The following KCNMA1 variants were observed in gnomAD, a reference collection of about 807,000 sequenced individuals.
The protein encoded by KCNMA1 is Calcium-activated potassium channel subunit alpha-1.
A neutral mutation model predicts 140.0 loss-of-function variants in KCNMA1; 29 were observed. That is an observed-to-expected ratio of 0.21 (90% CI 0.15 to 0.28). The LOEUF (loss-of-function observed/expected upper bound fraction) is 0.28. Ranked by LOEUF, KCNMA1 falls within the 10% of genes least tolerant of loss-of-function variation. The pLI is 1.00. For synonymous variants in KCNMA1, 612 were observed against 611.9 expected (o/e 1.00, Z 0.00); for missense variants, 880 against 1,602.2 (o/e 0.55, Z 7.70).
chr10:77,014,676 G>A (rs1223164737), intron 17 of KCNMA1, among the ~76,000 whole-genome samples: 1 of 152,048 alleles, frequency 6.6e-6, no homozygotes, highest in East Asian at 1.9e-4. Flanking sequence ...AACATGCGAT[G>A]TTTGCCTGGC....
intron 1 of KCNMA1, among the ~76,000 whole-genome samples, chr10:77,438,337 C>T (rs972330755): frequency 4.6e-5 from 7 of 152,224 alleles, no homozygotes; most frequent in African/African-American, 1.7e-4. Flanking sequence ...GAGGCCAAGG[C>T]GGGCAGATCA....
intron 2 of KCNMA1, among the ~76,000 whole-genome samples, chr10:77,364,337 G>A (rs2094200913): frequency 6.6e-6 from 1 of 152,026 alleles, no homozygotes; most frequent in African/African-American, 2.4e-5. Context: ...TGTAGTCTCA[G>A]CTACTTGGGA....
intron 25 of KCNMA1, among the ~76,000 whole-genome samples, chr10:76,906,197 G>C (rs543928052): frequency 6.9e-6 from 1 of 145,924 alleles, no homozygotes; most frequent in Admixed American, 6.6e-5. Flanking sequence ...TGGGGCTGGG[G>C]TTGGGAGAAA....
chr10:77,163,854 ATG>A (rs1451354051), intron 5 of KCNMA1, among the ~76,000 whole-genome samples: 1 of 152,130 alleles, frequency 6.6e-6, no homozygotes, highest in African/African-American at 2.4e-5. Context: ...GACCTGTGAC[ATG>A]TGTCTTCTCC....
chr10:77,421,984 G>A lies in KCNMA1; in HGVS notation c.379-17961C>T, dbSNP rs117779497. Among the ~76,000 whole-genome samples the A allele has an allele frequency of 1.6e-4, 25 of 152,338 alleles. No homozygotes were observed. In the East Asian group the frequency reaches 4.4e-3, roughly 27 times the overall value. ...ACACTTCTCTTTGCAGTGAAATCTG[G>A]AAATGCCATCATTCCTCTTCTAACA... On this transcript the variant is annotated intron_variant, in intron 1 of 27. Transcript: ENST00000286628.
intron 2 of KCNMA1, among the ~76,000 whole-genome samples, chr10:77,313,739 C>T (rs535398677): frequency 3.3e-5 from 5 of 152,194 alleles, no homozygotes; most frequent in South Asian, 2.1e-4. Flanking sequence ...AAGTAATGAA[C>T]GGGATGGATG....
chr10:77,225,045 C>T (rs1308943697), intron 3 of KCNMA1, among the ~76,000 whole-genome samples: 4 of 152,172 alleles, frequency 2.6e-5, no homozygotes, highest in Admixed American at 1.3e-4. Flanking sequence ...AGAAAAGGCT[C>T]AAAATGTTTT....
intron 2 of KCNMA1, among the ~76,000 whole-genome samples, chr10:77,387,085 G>A (rs2095628997): frequency 6.6e-6 from 1 of 152,160 alleles, no homozygotes; most frequent in Admixed American, 6.5e-5. Context: ...ATCAGCGTGT[G>A]CTTCATGCAA....
At chr10:77,165,374 T>C (rs184551428) in intron 5 of KCNMA1, among the ~76,000 whole-genome samples, 1 of 152,376 alleles carries the variant, frequency 6.6e-6, no homozygotes, top group East Asian at 1.9e-4. Context: ...ACACATTTTC[T>C]TTCTTTTTAG....
chr10:77,404,424 G>A (rs940429310), intron 1 of KCNMA1, among the ~76,000 whole-genome samples: 3 of 151,906 alleles, frequency 2.0e-5, no homozygotes, highest in Admixed American at 6.6e-5. Flanking sequence ...AATTACAGGC[G>A]CGCGGCCACC....
chr10:77,072,608 A>G (rs559332818), intron 14 of KCNMA1, among the ~76,000 whole-genome samples: 1 of 152,124 alleles, frequency 6.6e-6, no homozygotes, highest in African/African-American at 2.4e-5. Context: ...CAACCGCGGC[A>G]TGTCAGTCCT....
intron 14 of KCNMA1, among the ~76,000 whole-genome samples, chr10:77,070,774 C>A (rs934017151): frequency 7.2e-5 from 11 of 152,068 alleles, no homozygotes; most frequent in African/African-American, 2.7e-4. Context: ...TTATGGTGTT[C>A]ACCATGACCT....
intron 2 of KCNMA1, among the ~76,000 whole-genome samples, chr10:77,347,439 G>A (rs767771337): frequency 7.2e-5 from 11 of 152,218 alleles, no homozygotes; most frequent in Non-Finnish European, 1.0e-4. Context: ...CAAGTGGAAG[G>A]TGCCTCCTAC....
intron 24 of KCNMA1, chr10:76,910,693 A>T (rs2049809528): frequency 6.2e-6 from 1 of 161,012 alleles, no homozygotes; most frequent in Non-Finnish European, 1.4e-5. Flanking sequence ...AGGAAACCCC[A>T]GGTGGGATGG....
At chr10:77,178,802 G>A (rs1005968220) in intron 5 of KCNMA1, among the ~76,000 whole-genome samples, 2 of 152,094 alleles carry the variant, frequency 1.3e-5, no homozygotes, top group Non-Finnish European at 2.9e-5. Context: ...TGAGACAGAC[G>A]GACATATGAG....
intron 1 of KCNMA1, among the ~76,000 whole-genome samples, chr10:77,577,406 T>C (rs2074526285): frequency 6.6e-6 from 1 of 152,120 alleles, no homozygotes; most frequent in African/African-American, 2.4e-5. Flanking sequence ...TGCCTAAAGA[T>C]GAGGCACTTA....
At chr10:77,153,460 C>G (rs1332811159) in intron 5 of KCNMA1, among the ~76,000 whole-genome samples, 1 of 152,150 alleles carries the variant, frequency 6.6e-6, no homozygotes, top group Non-Finnish European at 1.5e-5. Context: ...CAACCTCAGT[C>G]TCCAGGGCTC....
At chr10:77,440,132 G>A (rs1234092958) in intron 1 of KCNMA1, among the ~76,000 whole-genome samples, 1 of 152,130 alleles carries the variant, frequency 6.6e-6, no homozygotes, top group Non-Finnish European at 1.5e-5. Context: ...CTTTACAAAT[G>A]ACGCCACACC....
chr10:77,259,546 T>C (rs554280459), intron 2 of KCNMA1, among the ~76,000 whole-genome samples: 6 of 152,106 alleles, frequency 3.9e-5, no homozygotes, highest in Non-Finnish European at 7.4e-5. Flanking sequence ...GCTCTGGTCT[T>C]TTCCTCCTCT....
Sources: allele counts gnomAD v4.1 joint callset (sites outside exome capture counted in the v4.1 genomes callset), GRCh38; gene constraint gnomAD v4.1.1; transcripts MANE v1.5; gene names NCBI Gene and HGNC (gene_info 2026-07-23, HGNC 2026-07-21).